Variants in PCDHGB3 observed in about 807,000 individuals in gnomAD.
PCDHGB3 encodes the protein protocadherin gamma subfamily B, 3.
In PCDHGB3, 40 loss-of-function variants were observed where a neutral mutation model predicts 59.2. The observed-to-expected ratio is 0.68, with a 90% CI of 0.52 to 0.88. The LOEUF is 0.88. Ranked by LOEUF, PCDHGB3 falls within the 40% of genes least tolerant of loss-of-function variation. PCDHGB3 has a pLI of 0.00. For missense variants in PCDHGB3, 1,309 were observed against 1,187.9 expected (o/e 1.10, Z -1.50); for synonymous variants, 581 against 503.6 (o/e 1.15, Z -2.06).
At chr5:141,393,357 G>C in intron 1 of PCDHGB3, 5 of 1,613,924 alleles carry the variant, frequency 3.1e-6, no homozygotes, top group Admixed American at 1.7e-5. Flanking sequence ...CTCCCTGGAC[G>C]TGCAGACTGG....
intron 1 of PCDHGB3, among the ~76,000 whole-genome samples, chr5:141,443,787 A>C (rs957552086): frequency 3.3e-5 from 5 of 152,222 alleles, no homozygotes; most frequent in African/African-American, 1.2e-4. Flanking sequence ...AAGACAAAAA[A>C]AATGAAAAGG....
chr5:141,388,226 G>A, intron 1 of PCDHGB3: 1 of 1,605,056 alleles, frequency 6.2e-7, no homozygotes, highest in Non-Finnish European at 8.5e-7. Flanking sequence ...AAAATCCACT[G>A]AACTTTTATC....
intron 1 of PCDHGB3, among the ~76,000 whole-genome samples, chr5:141,470,014 A>G (rs1394478856): frequency 6.6e-6 from 1 of 152,200 alleles, no homozygotes; most frequent in Non-Finnish European, 1.5e-5. Flanking sequence ...CTGTAATCCC[A>G]GCTACTCGGG....
intron 1 of PCDHGB3, among the ~76,000 whole-genome samples, chr5:141,381,826 C>CTTTTTTTTTTTTTTTTTTTTT (rs770630741): frequency 2.7e-5 from 2 of 74,284 alleles, no homozygotes; most frequent in Admixed American, 1.9e-4. Flanking sequence ...CTTTCTTCTT[C>CTTTTTTTTTTTTTTTTTTTTT]TTTTTTTTTT....
In PCDHGB3 at chr5:141,476,656, T is replaced by A. The variant is rs190269177; in HGVS notation, c.2416-18151T>A. 6.2e-7 allele frequency: 1 copy of A among 1,614,210 alleles called. No individual in the cohort carries two copies. The highest frequency in any genetic ancestry group is 1.3e-5 in the African/African-American group (1 of 75,064). ...ATGAGCTGAGCCGAAATGAATACTTTGCGCTTCGCGTGCAGACGCGGGAGG... is the reference window on the plus strand; with the variant it reads ...ATGAGCTGAGCCGAAATGAATACTTAGCGCTTCGCGTGCAGACGCGGGAGG... On this transcript the variant is annotated intron_variant, in intron 1 of 3. Coordinates refer to ENST00000576222, the MANE Select transcript of PCDHGB3 (RefSeq NM_018924.5). This position sits in a 1 kb window ranked among gnomAD's most constrained non-coding sequence, Gnocchi z 7.6.
intron 1 of PCDHGB3, among the ~76,000 whole-genome samples, chr5:141,460,251 A>G (rs2098984972): frequency 6.6e-6 from 1 of 152,114 alleles, no homozygotes; most frequent in Admixed American, 6.6e-5. Context: ...TAATTTTGAT[A>G]AAGCCCAATT....
chr5:141,433,571 C>T lies in PCDHGB3; in HGVS notation c.2415+60762C>T, dbSNP rs2097625242. ...TCTTTTCTGGCTGGGCGCGGTGGCT[C>T]ACGCCTGTAATCCCAGTACTTTGGG... On this transcript the variant is annotated intron_variant, in intron 1 of 3. Coordinates refer to ENST00000576222, the MANE Select transcript of PCDHGB3 (RefSeq NM_018924.5). 3.9e-5 allele frequency among the ~76,000 whole-genome samples: 6 copies of T among 152,228 alleles called. No homozygotes were observed. The South Asian group carries it at 1.2e-3, about 32-fold the overall frequency.
chr5:141,399,431 T>C (rs757950073), intron 1 of PCDHGB3: 1 of 1,613,970 alleles, frequency 6.2e-7, no homozygotes, highest in Non-Finnish European at 8.5e-7. Flanking sequence ...ATAAGCGTCA[T>C]CCTACATATC....
rs201279747 is a variant in PCDHGB3, at chr5:141,414,931, G to A, written c.2415+42122G>A. On this transcript the variant is annotated intron_variant, in intron 1 of 3. Coordinates refer to ENST00000576222, the MANE Select transcript of PCDHGB3 (RefSeq NM_018924.5). ...AGGCGTGGAGCTGGCGCCCCGCTCC[G>A]CAGAGCCCGGCTACCTGGTGACCAA... 123 of 1,614,120 alleles carry A rather than the reference G, an allele frequency of 7.6e-5. No homozygotes were observed. In the East Asian group the frequency reaches 2.5e-3, roughly 33 times the overall value.
chr5:141,439,673 C>G (rs1468476569), intron 1 of PCDHGB3, among the ~76,000 whole-genome samples: 1 of 152,174 alleles, frequency 6.6e-6, no homozygotes, highest in Non-Finnish European at 1.5e-5. Flanking sequence ...AATGCAAATC[C>G]AAGAGCAGAC....
intron 1 of PCDHGB3, chr5:141,393,093 G>T: frequency 2.5e-6 from 4 of 1,613,620 alleles, no homozygotes; most frequent in Non-Finnish European, 3.4e-6. Context: ...AGATCGGGAG[G>T]AGCTCTGCGC....
chr5:141,415,161 C>T (rs1391561235), intron 1 of PCDHGB3: 1 of 1,613,864 alleles, frequency 6.2e-7, no homozygotes, highest in Admixed American at 1.7e-5. Context: ...CCGCCACTGT[C>T]ACGCTCACCG....
chr5:141,389,223 G>C lies in PCDHGB3; in HGVS notation c.2415+16414G>C, dbSNP rs570029585. 4 of 1,613,876 alleles carry C rather than the reference G, an allele frequency of 2.5e-6. No individual in the cohort carries two copies. Among genetic ancestry groups the C allele is most frequent in the South Asian group, 2.2e-5 (2 of 91,090 alleles). Reference sequence around the variant, plus strand: ...GCACATTGGTGATGTAAATGACAACGCTCCGGTTTTCTCACAGTCTTCCTA... The same window carrying C: ...GCACATTGGTGATGTAAATGACAACCCTCCGGTTTTCTCACAGTCTTCCTA... On this transcript the variant is annotated intron_variant, in intron 1 of 3. Coordinates refer to ENST00000576222, the MANE Select transcript of PCDHGB3 (RefSeq NM_018924.5).
At chr5:141,467,604 CT>C (rs2099147202) in intron 1 of PCDHGB3, among the ~76,000 whole-genome samples, 1 of 152,204 alleles carries the variant, frequency 6.6e-6, no homozygotes, top group Non-Finnish European at 1.5e-5. Context: ...AGCACTTCAT[CT>C]TTGTCCCAGT....
chr5:141,432,949 CG>C lies in PCDHGB3; in HGVS notation c.2415+60142del, dbSNP rs930064840. 6.2e-7 allele frequency: 1 copy of C among 1,614,066 alleles called. No individual in the cohort carries two copies. Among genetic ancestry groups the C allele is most frequent in the African/African-American group, 1.3e-5 (1 of 74,930 alleles). ...CACGCCTGCTGCAGGCTTCAGGAGG[CG>C]GCTTGACAGGAGCGCCGGCGTCGCA... On this transcript the variant is annotated intron_variant, in intron 1 of 3. Transcript: ENST00000576222. This position sits in a 1 kb window ranked among gnomAD's most constrained non-coding sequence, Gnocchi z 6.0.
chr5:141,380,674 T>G (rs1293551834), intron 1 of PCDHGB3, among the ~76,000 whole-genome samples: 1 of 152,262 alleles, frequency 6.6e-6, no homozygotes, highest in South Asian at 2.1e-4. Flanking sequence ...CCATAGGGTA[T>G]GTATGCTTTG....
At chr5:141,422,963 C>A (rs372620011) in intron 1 of PCDHGB3, 1 of 1,614,120 alleles carries the variant, frequency 6.2e-7, no homozygotes, top group Non-Finnish European at 8.5e-7. Flanking sequence ...GTGGAGCTGG[C>A]GCCCCGCTCT....
In PCDHGB3 at chr5:141,489,117, T is replaced by A; in HGVS notation, c.2416-5690T>A. On this transcript the variant is annotated intron_variant, in intron 1 of 3. Coordinates refer to ENST00000576222, the MANE Select transcript of PCDHGB3 (RefSeq NM_018924.5). The surrounding 1 kb of genome is among the most constrained non-coding windows in gnomAD (Gnocchi z 4.5). ...AAGAACTGCTGCAAGCAGGCAAACCTCCGAGCAGTTTTTAAGAGGCTGGAA... is the reference window on the plus strand; with the variant it reads ...AAGAACTGCTGCAAGCAGGCAAACCACCGAGCAGTTTTTAAGAGGCTGGAA... The A allele has an allele frequency of 1.4e-5, 5 of 370,102 alleles. No homozygotes were observed. The highest frequency in any genetic ancestry group is 2.3e-5 in the Non-Finnish European group (5 of 214,436). 22.9% of individuals were successfully genotyped at this position (370,102 alleles called of 1,614,324 possible).
chr5:141,445,249 G>T (rs1337658576), intron 1 of PCDHGB3, among the ~76,000 whole-genome samples: 2 of 152,170 alleles, frequency 1.3e-5, no homozygotes, highest in Non-Finnish European at 2.9e-5. Context: ...ACTATATTGT[G>T]TGAGAATATA....
Sources: gnomAD v4.1 joint callset for allele counts (sites outside exome capture counted in the v4.1 genomes callset) on GRCh38, gnomAD v4.1.1 for gene constraint, Gnocchi (gnomAD v3.1) non-coding constraint, MANE v1.5 for transcripts, NCBI Gene and HGNC (gene_info 2026-07-23, HGNC 2026-07-21) for gene names.